The following R3HDM1 variants were observed in gnomAD, a reference collection of about 807,000 sequenced individuals.
The protein encoded by R3HDM1 is R3H domain containing 1.
R3HDM1 carries 46 observed loss-of-function variants against 141.1 expected under a neutral mutation model. The ratio of observed to expected loss-of-function variants is 0.33; its 90% CI spans 0.26 to 0.42. R3HDM1 has a LOEUF of 0.42. Among genes scored for constraint, R3HDM1 ranks in the 10% least tolerant of loss-of-function variants. R3HDM1 has a pLI of 1.00. For missense variants in R3HDM1, 1,184 were observed against 1,368.3 expected (o/e 0.87, Z 2.12); for synonymous variants, 435 against 472.9 (o/e 0.92, Z 1.04).
intron 21 of R3HDM1, among the ~76,000 whole-genome samples, chr2:135,684,495 C>T (rs2070993837): frequency 6.6e-6 from 1 of 152,166 alleles, no homozygotes; most frequent in Admixed American, 6.5e-5. Context: ...CCTCTCTATG[C>T]TTTTTAAATT....
chr2:135,711,520 G>A (rs532877881), intron 23 of R3HDM1, among the ~76,000 whole-genome samples: 17 of 151,690 alleles, frequency 1.1e-4, no homozygotes, highest in African/African-American at 1.7e-4. Flanking sequence ...AAAATTATTC[G>A]GCCATGGCAG....
At chr2:135,536,768 C>T in intron 1 of R3HDM1, 1 of 954,436 alleles carries the variant, frequency 1.0e-6, no homozygotes, top group Non-Finnish European at 1.2e-6. Flanking sequence ...GGAGCTGGGC[C>T]ACACAGCAGG....
At chr2:135,695,210 C>T (rs1420821811) in intron 21 of R3HDM1, among the ~76,000 whole-genome samples, 1 of 152,190 alleles carries the variant, frequency 6.6e-6, no homozygotes, top group African/African-American at 2.4e-5. Context: ...GAGTATCCAA[C>T]ACCCAACAAG....
chr2:135,654,475 G>C (rs1420935419), intron 18 of R3HDM1, among the ~76,000 whole-genome samples: 1 of 151,188 alleles, frequency 6.6e-6, no homozygotes, highest in Admixed American at 6.6e-5. Flanking sequence ...TGTTGAGACA[G>C]AGTCTCTTTG....
chr2:135,705,348 G>A (rs1406324557), intron 21 of R3HDM1, among the ~76,000 whole-genome samples: 3 of 152,212 alleles, frequency 2.0e-5, no homozygotes, highest in Admixed American at 1.3e-4. Context: ...ACACAGCCCT[G>A]TGCTCCCTTC....
intron 1 of R3HDM1, among the ~76,000 whole-genome samples, chr2:135,536,158 G>GTGC (rs1696053769): frequency 6.7e-6 from 1 of 148,482 alleles, no homozygotes; most frequent in Non-Finnish European, 1.5e-5. Context: ...ATTTTTTTAA[G>GTGC]AGACAGGGAT....
intron 21 of R3HDM1, among the ~76,000 whole-genome samples, chr2:135,699,045 A>AGATTGATTGATAGATT (rs202144929): frequency 1.0e-4 from 13 of 129,890 alleles, no homozygotes; most frequent in African/African-American, 4.3e-4. Flanking sequence ...ATAGATAGAT[A>AGATTGATTGATAGATT]AGATAGATAA....
intron 1 of R3HDM1, among the ~76,000 whole-genome samples, chr2:135,578,121 A>T (rs559969595): frequency 1.3e-5 from 2 of 152,338 alleles, no homozygotes; most frequent in East Asian, 3.9e-4. Context: ...CAAGTAGCCT[A>T]AATACCCATG....
chr2:135,629,446 G>C (rs1227860475), intron 7 of R3HDM1, among the ~76,000 whole-genome samples: 1 of 152,082 alleles, frequency 6.6e-6, no homozygotes, highest in Non-Finnish European at 1.5e-5. Flanking sequence ...AAAACAAAAA[G>C]AATACTAAAA....
At chr2:135,604,344 T>A (rs535137497) in intron 2 of R3HDM1, among the ~76,000 whole-genome samples, 1 of 152,350 alleles carries the variant, frequency 6.6e-6, no homozygotes, top group African/African-American at 2.4e-5. Flanking sequence ...AATACACATA[T>A]ATTATTCTCC....
intron 19 of R3HDM1, among the ~76,000 whole-genome samples, chr2:135,668,827 T>C (rs1041433937): frequency 2.6e-5 from 4 of 152,174 alleles, no homozygotes; most frequent in African/African-American, 9.7e-5. Flanking sequence ...CTATGAAAAC[T>C]CTGCTAGACT....
chr2:135,706,998 G>A (rs1260837425), intron 21 of R3HDM1, among the ~76,000 whole-genome samples: 1 of 152,050 alleles, frequency 6.6e-6, no homozygotes, highest in African/African-American at 2.4e-5. Context: ...CGGCTGGCCG[G>A]GCGGGGGGCT....
At chr2:135,590,190 T>G (rs575814532) in intron 1 of R3HDM1, among the ~76,000 whole-genome samples, 1 of 152,284 alleles carries the variant, frequency 6.6e-6, no homozygotes, top group East Asian at 1.9e-4. Flanking sequence ...TTCAAATGCT[T>G]AGAAAGTTAT....
intron 1 of R3HDM1, among the ~76,000 whole-genome samples, chr2:135,572,451 G>T (rs1704349082): frequency 6.6e-6 from 1 of 152,148 alleles, no homozygotes. Context: ...TCAAGGAAAT[G>T]TAAATCAAAA....
At chr2:135,570,185 A>C (rs563922126) in intron 1 of R3HDM1, among the ~76,000 whole-genome samples, 9 of 152,346 alleles carry the variant, frequency 5.9e-5, no homozygotes, top group African/African-American at 2.2e-4. Flanking sequence ...TAAACAACTA[A>C]ATTATTCTTA....
At position 135,572,812 on chromosome 2, in the gene R3HDM1, A is replaced by G. The variant is rs1437689968; in HGVS notation, c.-249-29688A>G. Among the ~76,000 whole-genome samples, 7 of 152,250 alleles carry G rather than the reference A, an allele frequency of 4.6e-5. No homozygotes were observed. The East Asian group carries it at 1.3e-3, about 29-fold the overall frequency. ...AAAATGTGTATCCATGAAATGGAATATTATTTTCACTGTAAAGGATGAATT... is the reference window on the plus strand; with the variant it reads ...AAAATGTGTATCCATGAAATGGAATGTTATTTTCACTGTAAAGGATGAATT... On this transcript the variant is annotated intron_variant, in intron 1 of 26. Transcript: ENST00000683871.
intron 22 of R3HDM1, 77 bp from the exon 23 acceptor site, chr2:135,709,982 C>A: frequency 1.4e-6 from 2 of 1,395,638 alleles, no homozygotes; most frequent in Non-Finnish European, 2.0e-6. Context: ...AAAATTACTA[C>A]TGTTATCCTA....
intron 1 of R3HDM1, among the ~76,000 whole-genome samples, chr2:135,574,337 A>G (rs1345262635): frequency 1.3e-5 from 2 of 152,252 alleles, no homozygotes; most frequent in African/African-American, 4.8e-5. Context: ...TAATTTCCAT[A>G]AAAGAAATAA....
intron 1 of R3HDM1, chr2:135,550,171 C>T (rs1699564298): frequency 5.1e-6 from 5 of 984,740 alleles, no homozygotes; most frequent in Non-Finnish European, 6.0e-6. Context: ...TTTTTTTACA[C>T]ACTCCACAGC....
Sources: gnomAD v4.1 joint callset for allele counts (sites outside exome capture counted in the v4.1 genomes callset) on GRCh38, gnomAD v4.1.1 for gene constraint, MANE v1.5 for transcripts, NCBI Gene and HGNC (gene_info 2026-07-23, HGNC 2026-07-21) for gene names.